Variants in FARS2 observed in about 807,000 individuals in gnomAD.
FARS2 encodes the protein phenylalanine--tRNA ligase, mitochondrial.
In FARS2, 40 loss-of-function variants were observed where a neutral mutation model predicts 46.4. The observed-to-expected ratio is 0.86, with a 90% CI of 0.67 to 1.12. The LOEUF (loss-of-function observed/expected upper bound fraction) is 1.12. Among genes scored for constraint, FARS2 ranks in the 50% most tolerant of loss-of-function variants. The pLI, the probability that FARS2 is intolerant of heterozygous loss-of-function variation, is 0.00. For missense variants in FARS2, 513 were observed against 567.9 expected, an observed-to-expected ratio of 0.90 and a Z score of 0.98; for synonymous variants, 234 against 214.9, an observed-to-expected ratio of 1.09 and a Z score of -0.78.
chr6:5,711,809 G>A (rs1402708185), intron 6 of FARS2, among the ~76,000 whole-genome samples: 4 of 152,030 alleles, frequency 2.6e-5, no homozygotes, highest in Non-Finnish European at 5.9e-5. Context: ...TGGACAGGAA[G>A]AGGACAGCAG....
intron 3 of FARS2, among the ~76,000 whole-genome samples, chr6:5,411,053 T>C (rs187966185): frequency 6.6e-6 from 1 of 152,138 alleles, no homozygotes; most frequent in Non-Finnish European, 1.5e-5. Context: ...GAAATCTTAT[T>C]AGTAATATTT....
At chr6:5,330,732 G>A (rs1473773336) in intron 1 of FARS2, among the ~76,000 whole-genome samples, 1 of 152,166 alleles carries the variant, frequency 6.6e-6, no homozygotes, top group Non-Finnish European at 1.5e-5. Flanking sequence ...AGTTAAAGTT[G>A]AGGAGTCAGA....
intron 4 of FARS2, among the ~76,000 whole-genome samples, chr6:5,483,756 A>G (rs1257644498): frequency 2.0e-5 from 3 of 152,158 alleles, no homozygotes; most frequent in African/African-American, 4.8e-5. Context: ...TGGCTCAACA[A>G]AGGTAGCCCA....
chr6:5,761,808 T>TAAAAAAAAAA (rs79057006), intron 6 of FARS2, among the ~76,000 whole-genome samples: 1 of 105,932 alleles, frequency 9.4e-6, no homozygotes, highest in African/African-American at 3.3e-5. Context: ...GTGGAGGATC[T>TAAAAAAAAAA]AAAAAAAAAA....
chr6:5,260,601 C>CCGGCCCCCGGG, upstream of FARS2: 2 of 1,202,676 alleles, frequency 1.7e-6, no homozygotes, highest in Non-Finnish European at 2.3e-6. Context: ...CCCCCGGTCC[C>CCGGCCCCCGGG]CGGCCCCTGG....
At chr6:5,326,128 A>T (rs1429754967) in intron 1 of FARS2, among the ~76,000 whole-genome samples, 1 of 152,220 alleles carries the variant, frequency 6.6e-6, no homozygotes, top group Non-Finnish European at 1.5e-5. Context: ...ATCCTAAGAT[A>T]AATGGACAAA....
chr6:5,547,545 G>C (rs1156906462), intron 5 of FARS2, among the ~76,000 whole-genome samples: 4 of 152,102 alleles, frequency 2.6e-5, no homozygotes, highest in Non-Finnish European at 5.9e-5. Flanking sequence ...CCTCTTGATG[G>C]TGAGATCTAG....
At chr6:5,729,686 AC>A (rs1407407632) in intron 6 of FARS2, among the ~76,000 whole-genome samples, 1 of 151,922 alleles carries the variant, frequency 6.6e-6, no homozygotes, top group Non-Finnish European at 1.5e-5. Context: ...TAGGTTACCC[AC>A]AAGTACCTGT....
At position 5,771,435 on chromosome 6, in the gene FARS2, C is replaced by T. The variant is rs761214773; in HGVS notation, c.*6C>T. On this transcript the variant is annotated 3_prime_UTR_variant, in exon 7 of 7. Transcript: ENST00000274680. ...GTGTGGAGGGCAGGTTCTGATGTCA[C>T]CACTTCACTCAGGCTGCAGCCCTCT... The T allele has an allele frequency of 6.2e-7, 1 of 1,609,816 alleles. No homozygotes were observed. The highest frequency in any genetic ancestry group is 8.5e-7 in the Non-Finnish European group (1 of 1,178,666).
At chr6:5,516,443 AT>A (rs1768799969) in intron 4 of FARS2, among the ~76,000 whole-genome samples, 1 of 152,214 alleles carries the variant, frequency 6.6e-6, no homozygotes, top group Non-Finnish European at 1.5e-5. Context: ...TTAATTATAC[AT>A]TTTGTTTGAT....
At chr6:5,314,122 G>A (rs987409564) in intron 1 of FARS2, among the ~76,000 whole-genome samples, 34 of 152,204 alleles carry the variant, frequency 2.2e-4, no homozygotes, top group African/African-American at 8.2e-4. Flanking sequence ...CAGCAGTTCT[G>A]TAAATTAGAA....
At chr6:5,708,903 A>G in intron 6 of FARS2, among the ~76,000 whole-genome samples, 1 of 152,120 alleles carries the variant, frequency 6.6e-6, no homozygotes, top group East Asian at 1.9e-4. Context: ...GCCTCAAGTG[A>G]TCATCCTGCC....
chr6:5,715,404 G>A (rs1233584773), intron 6 of FARS2, among the ~76,000 whole-genome samples: 2 of 152,108 alleles, frequency 1.3e-5, no homozygotes, highest in Non-Finnish European at 2.9e-5. Context: ...ATTTTAAAAC[G>A]TTTTCATGAC....
chr6:5,510,114 T>C (rs1561673463), intron 4 of FARS2, among the ~76,000 whole-genome samples: 1 of 151,850 alleles, frequency 6.6e-6, no homozygotes, highest in African/African-American at 2.4e-5. Context: ...TTTGGAGGGG[T>C]TTTTTGTTTG....
intron 3 of FARS2, among the ~76,000 whole-genome samples, chr6:5,416,159 A>G (rs1762227233): frequency 6.6e-6 from 1 of 151,982 alleles, no homozygotes. Flanking sequence ...CAGTTAACCA[A>G]TTTTTTTCTT....
chr6:5,296,129 CTTTTTTTTTTTTTT>C (rs70974187), intron 1 of FARS2, among the ~76,000 whole-genome samples: 16 of 55,042 alleles, frequency 2.9e-4, no homozygotes, highest in South Asian at 2.7e-3. Context: ...TCATTTTGGC[CTTTTTTTTTTTTTT>C]TTTTTTTTTT....
chr6:5,474,279 T>C (rs2037248638), intron 4 of FARS2, among the ~76,000 whole-genome samples: 1 of 152,230 alleles, frequency 6.6e-6, no homozygotes, highest in African/African-American at 2.4e-5. Flanking sequence ...TTATTTATTA[T>C]TGACATATGT....
At position 5,511,424 on chromosome 6, in the gene FARS2, C is replaced by G. The variant is rs1169180517; in HGVS notation, c.905-33756C>G. Among the ~76,000 whole-genome samples the G allele has an allele frequency of 2.6e-5, 4 of 152,292 alleles. No individual in the cohort carries two copies. The East Asian group carries it at 7.7e-4, about 29-fold the overall frequency. On this transcript the variant is annotated intron_variant, in intron 4 of 6. Transcript: ENST00000274680. ...TTTTAGGTGCACATGCCTGAAGGCA[C>G]AAGGCTCTTAAACACATAATAATCA...
At chr6:5,302,882 G>T (rs1768419500) in intron 1 of FARS2, among the ~76,000 whole-genome samples, 1 of 152,144 alleles carries the variant, frequency 6.6e-6, no homozygotes, top group Non-Finnish European at 1.5e-5. Context: ...GGACTGTGTG[G>T]TTCATGTTCG....
Sources: gnomAD v4.1 joint callset for allele counts (sites outside exome capture counted in the v4.1 genomes callset) on GRCh38, gnomAD v4.1.1 for gene constraint, MANE v1.5 for transcripts, NCBI Gene and HGNC (gene_info 2026-07-23, HGNC 2026-07-21) for gene names.